The following CDKN2B-AS1 variants were observed in gnomAD, a reference collection of about 807,000 sequenced individuals.
CDKN2B-AS1 encodes the protein CDKN2B antisense RNA 1 (non-protein coding).
intron 1 of CDKN2B-AS1, among the ~76,000 whole-genome samples, chr9:22,019,328 T>G (rs982639704): frequency 6.6e-6 from 1 of 152,206 alleles, no homozygotes; most frequent in African/African-American, 2.4e-5. Context: ...CAAGAGTGGA[T>G]TCTGTGGGCC....
Position 22,070,799 on chromosome 9 carries a change from A to C in CDKN2B-AS1, n.438+14412A>C, listed in dbSNP as rs561193737. Among the ~76,000 whole-genome samples, 3 of 152,354 alleles carry C rather than the reference A, an allele frequency of 2.0e-5. No homozygotes were observed. In the South Asian group the frequency reaches 6.2e-4, roughly 32 times the overall value. ...AACAGTTCATATATTTTATAAATTA[A>C]GATAGACATTAACAGAAGCTCATAG... On this transcript the variant is annotated intron_variant and non_coding_transcript_variant, in intron 4 of 4. Coordinates refer to ENST00000650946, the Ensembl canonical transcript of CDKN2B-AS1.
intron 1 of CDKN2B-AS1, among the ~76,000 whole-genome samples, chr9:22,044,815 C>G (rs549872600): frequency 6.6e-6 from 1 of 151,778 alleles, no homozygotes; most frequent in South Asian, 2.1e-4. Flanking sequence ...CATTTGTCAT[C>G]TTGGCTGGGA....
intron 1 of CDKN2B-AS1, among the ~76,000 whole-genome samples, chr9:22,021,044 G>T (rs919355816): frequency 3.3e-5 from 5 of 152,018 alleles, no homozygotes; most frequent in African/African-American, 1.2e-4. Flanking sequence ...CTTGAGTTAA[G>T]TTTTGTATAT....
chr9:22,031,423 A>G (rs1348940458), intron 1 of CDKN2B-AS1, among the ~76,000 whole-genome samples: 1 of 152,222 alleles, frequency 6.6e-6, no homozygotes, highest in Non-Finnish European at 1.5e-5. Context: ...AACTATACCC[A>G]TTTTAAAGAT....
In CDKN2B-AS1 at chr9:22,105,201, C is replaced by G. The variant is rs181059086; in HGVS notation, n.439-21902C>G. On this transcript the variant is annotated intron_variant and non_coding_transcript_variant, in intron 4 of 4. Transcript: ENST00000650946. ...TTGTGGGCTCATGATGACTTGTAGG[C>G]CGAGGCAGCTGCACATATGAAGACT... 7.7e-4 allele frequency among the ~76,000 whole-genome samples: 118 copies of G among 152,266 alleles called. 1 individual carries two copies. Among genetic ancestry groups the G allele is most frequent in the African/African-American group, 2.5e-3 (105 of 41,556 alleles).
intron 2 of CDKN2B-AS1, among the ~76,000 whole-genome samples, chr9:22,048,936 C>A (rs1288903147): frequency 6.6e-6 from 1 of 152,088 alleles, no homozygotes; most frequent in Non-Finnish European, 1.5e-5. Flanking sequence ...TGAAATAATC[C>A]ATGTAAGAGG....
At chr9:22,037,249 A>G (rs1009415627) in intron 1 of CDKN2B-AS1, among the ~76,000 whole-genome samples, 14 of 152,228 alleles carry the variant, frequency 9.2e-5, no homozygotes, top group African/African-American at 3.4e-4. Context: ...TCAGTGGGAT[A>G]AAGAAGAAAA....
intron 1 of CDKN2B-AS1, among the ~76,000 whole-genome samples, chr9:22,008,460 ATCT>A (rs1821302809): frequency 6.6e-6 from 1 of 152,174 alleles, no homozygotes; most frequent in South Asian, 2.1e-4. Context: ...TACTTTACTT[ATCT>A]TTATCGTTGA....
At chr9:22,126,764 G>A (rs1354503369) in intron 4 of CDKN2B-AS1, among the ~76,000 whole-genome samples, 3 of 151,940 alleles carry the variant, frequency 2.0e-5, no homozygotes, top group Non-Finnish European at 4.4e-5. Context: ...AGTAGAGACG[G>A]GGTTTCACCA....
chr9:22,004,466 T>A (rs943818806), intron 1 of CDKN2B-AS1: 5 of 232,508 alleles, frequency 2.2e-5, no homozygotes, highest in Non-Finnish European at 4.2e-5. Flanking sequence ...ATTACAAACA[T>A]TGAGAGAAGG....
At chr9:22,122,351 T>C (rs1167304336) in intron 4 of CDKN2B-AS1, among the ~76,000 whole-genome samples, 1 of 152,212 alleles carries the variant, frequency 6.6e-6, no homozygotes, top group Non-Finnish European at 1.5e-5. Flanking sequence ...GTAGTTTGTA[T>C]ATTCACTCTG....
intron 1 of CDKN2B-AS1, among the ~76,000 whole-genome samples, chr9:22,024,243 C>G (rs1185128646): frequency 6.6e-6 from 1 of 152,222 alleles, no homozygotes; most frequent in Admixed American, 6.5e-5. Context: ...ACTGCATGTT[C>G]TAACTCTGGA....
intron 1 of CDKN2B-AS1, chr9:22,029,633 T>C: frequency 1.7e-6 from 1 of 582,086 alleles, no homozygotes; most frequent in Non-Finnish European, 3.2e-6. Flanking sequence ...TTCAGGTCTG[T>C]GTGATAAAAG....
chr9:22,013,637 G>T (rs960073624), intron 1 of CDKN2B-AS1, among the ~76,000 whole-genome samples: 2 of 152,068 alleles, frequency 1.3e-5, no homozygotes, highest in Non-Finnish European at 2.9e-5. Context: ...CTTTTTTGAA[G>T]AGATGAAGTC....
chr9:22,053,239 T>C (rs1482307856), intron 3 of CDKN2B-AS1, among the ~76,000 whole-genome samples: 1 of 152,226 alleles, frequency 6.6e-6, no homozygotes, highest in African/African-American at 2.4e-5. Flanking sequence ...ATATTCTTTA[T>C]CACTAGGTTA....
intron 1 of CDKN2B-AS1, among the ~76,000 whole-genome samples, chr9:22,021,128 G>A (rs938531028): frequency 3.3e-5 from 5 of 152,212 alleles, no homozygotes; most frequent in Non-Finnish European, 5.9e-5. Context: ...TTATTGAATA[G>A]GGAATCTGTT....
At chr9:22,123,717 G>A (rs1331199763) in intron 4 of CDKN2B-AS1, among the ~76,000 whole-genome samples, 1 of 152,162 alleles carries the variant, frequency 6.6e-6, no homozygotes, top group Non-Finnish European at 1.5e-5. Flanking sequence ...CATGTTTAAA[G>A]TCTGTTATGT....
chr9:22,066,262 G>A (rs1824035961), intron 4 of CDKN2B-AS1: 1 of 151,822 alleles, frequency 6.6e-6, no homozygotes, highest in South Asian at 2.1e-4. Context: ...CACCCAGGCT[G>A]GAGTGTATTG....
rs183246276 is a variant in CDKN2B-AS1, at chr9:22,018,837, A to G, written n.29+23676A>G. 3.8e-3 allele frequency among the ~76,000 whole-genome samples: 576 copies of G among 152,316 alleles called. 2 individuals are homozygous for G. Among genetic ancestry groups the G allele is most frequent in the Admixed American group, 3.7e-3 (57 of 15,306 alleles). On this transcript the variant is annotated intron_variant and non_coding_transcript_variant, in intron 1 of 4. Transcript: ENST00000650946. ...CCACTCAAAATATTGAGCCCCCCCA[A>G]TAAATATCATACACTATATTCTAGG...
Sources: gnomAD v4.1 joint callset for allele counts (sites outside exome capture counted in the v4.1 genomes callset) on GRCh38, gnomAD v4.1.1 for gene constraint, MANE v1.5 for transcripts, NCBI Gene and HGNC (gene_info 2026-07-23, HGNC 2026-07-21) for gene names.